ADARB1: variants seen among roughly 807,000 people sequenced by gnomAD.
ADARB1 encodes the protein adenosine deaminase RNA specific B1.
ADARB1 carries 10 observed loss-of-function variants against 52.4 expected under a neutral mutation model. That is an observed-to-expected ratio of 0.19 (90% confidence interval 0.12 to 0.32). The LOEUF is 0.32. Among genes scored for constraint, ADARB1 ranks in the 10% least tolerant of loss-of-function variants. ADARB1 has a pLI of 1.00. For missense variants in ADARB1, 643 were observed against 922.3 expected (o/e 0.70, Z 3.92); for synonymous variants, 349 against 371.1 (o/e 0.94, Z 0.68).
At chr21:45,182,923 C>G (rs1367507753) in intron 6 of ADARB1, among the ~76,000 whole-genome samples, 170 bp downstream of exon 6, 1 of 152,186 alleles carries the variant, frequency 6.6e-6, no homozygotes, top group East Asian at 1.9e-4. Flanking sequence ...ATGCTCAACA[C>G]ACATATGCAC....
chr21:45,133,829 CAGT>C (rs2089132385), intron 2 of ADARB1: 1 of 213,468 alleles, frequency 4.7e-6, no homozygotes, highest in South Asian at 4.2e-5. Context: ...GTGTGCCCGA[CAGT>C]GGTGTGTGCG....
intron 2 of ADARB1, among the ~76,000 whole-genome samples, chr21:45,150,942 C>G (rs1569074964): frequency 1.3e-5 from 2 of 152,344 alleles, no homozygotes; most frequent in East Asian, 1.9e-4. Context: ...TTTTTACTTA[C>G]AGGTCCTGAG....
rs955374047 is a variant in ADARB1, at chr21:45,144,215, A to G, written c.-48+15642A>G. On this transcript the variant is annotated intron_variant, in intron 2 of 10. Coordinates refer to ENST00000348831, the MANE Select transcript of ADARB1 (RefSeq NM_001112.4). ...CTCTCATAGAGATTTTAGAATTCTA[A>G]TAAACTCATATTTCCCCTTCTTATA... Among the ~76,000 whole-genome samples the G allele has an allele frequency of 4.6e-5, 7 of 152,348 alleles. No homozygotes were observed. The East Asian group carries it at 1.3e-3, about 29-fold the overall frequency.
chr21:45,146,125 G>T (rs899113453), intron 2 of ADARB1: 2 of 130,660 alleles, frequency 1.5e-5, no homozygotes, highest in Admixed American at 1.5e-4. Flanking sequence ...TATGGTTTCG[G>T]ACTTACCTGA....
intron 1 of ADARB1, among the ~76,000 whole-genome samples, chr21:45,097,742 T>G (rs1198402736): frequency 6.6e-6 from 1 of 152,058 alleles, no homozygotes; most frequent in East Asian, 1.9e-4. Flanking sequence ...GTATGCTGAC[T>G]TGGGGGCACT....
At chr21:45,162,131 G>A (rs1268857972) in intron 2 of ADARB1, among the ~76,000 whole-genome samples, 1 of 152,178 alleles carries the variant, frequency 6.6e-6, no homozygotes, top group African/African-American at 2.4e-5. Flanking sequence ...GGAGAGAAGA[G>A]CTGCAGCCCT....
At chr21:45,169,710 C>T (rs2091404522) in intron 2 of ADARB1, among the ~76,000 whole-genome samples, 1 of 152,230 alleles carries the variant, frequency 6.6e-6, no homozygotes, top group Non-Finnish European at 1.5e-5. Context: ...CCAATAAGAA[C>T]AGAGCTATTT....
chr21:45,122,473 C>T (rs995761502), intron 1 of ADARB1, among the ~76,000 whole-genome samples: 2 of 152,130 alleles, frequency 1.3e-5, no homozygotes, highest in African/African-American at 4.8e-5. Context: ...GGGGTATAAA[C>T]CCATTGTGGA....
intron 1 of ADARB1, among the ~76,000 whole-genome samples, chr21:45,078,382 A>AGG (rs2086027358): frequency 6.6e-6 from 1 of 152,216 alleles, no homozygotes; most frequent in South Asian, 2.1e-4. Context: ...GAGCCTGATG[A>AGG]GGAGAGTTCC....
intron 2 of ADARB1, among the ~76,000 whole-genome samples, chr21:45,156,323 C>A (rs1171776740): frequency 1.5e-5 from 2 of 136,682 alleles, no homozygotes; most frequent in Non-Finnish European, 3.2e-5. Flanking sequence ...ACCCACCCAT[C>A]ATCACCCATC....
intron 1 of ADARB1, among the ~76,000 whole-genome samples, chr21:45,108,356 G>A (rs2087353815): frequency 6.6e-6 from 1 of 152,170 alleles, no homozygotes. Context: ...TATTTCTCAT[G>A]TACGTGCTTA....
rs1000412390 is a variant in ADARB1, at chr21:45,208,075, C to T, written c.1747+3339C>T. On this transcript the variant is annotated intron_variant, in intron 9 of 10. Transcript: ENST00000348831. The surrounding 1 kb of genome is among the most constrained non-coding windows in gnomAD (Gnocchi z 5.6). The stretch of plus-strand genomic sequence containing the variant: ...GAAGAGGAAGTCTCTCGAGCTTTCT[C>T]AGACTTTCTCTCAAATGAGTTTCAC... Among the ~76,000 whole-genome samples, 2 of 152,206 alleles carry T rather than the reference C, an allele frequency of 1.3e-5. No homozygotes were observed. The highest frequency in any genetic ancestry group is 6.5e-5 in the Admixed American group (1 of 15,280).
chr21:45,188,258 C>T (rs537885471), intron 8 of ADARB1, among the ~76,000 whole-genome samples: 1 of 152,210 alleles, frequency 6.6e-6, no homozygotes, highest in Non-Finnish European at 1.5e-5. Context: ...AGGTGCCTAC[C>T]ACCATGCCCA....
intron 2 of ADARB1, among the ~76,000 whole-genome samples, chr21:45,139,921 G>A (rs2089619000): frequency 7.1e-6 from 1 of 141,644 alleles, no homozygotes; most frequent in South Asian, 2.3e-4. Context: ...AAAATGTACA[G>A]ACAATAAAAC....
In ADARB1 at chr21:45,180,364, G is replaced by A; in HGVS notation, c.998G>A (p.Gly333Asp). ...GACGCTGTCTCACGCCTGGTCCTGG[G>A]TAAGTTTGGTGACCTGACCGACAAC... Reference protein sequence around the residue: ...LADAVSRLVLGKFGDLTDNFS... With the variant: ...LADAVSRLVLDKFGDLTDNFS... The change falls in exon 5 of 11, where the codon GGT becomes GAT. Residue 333 changes from glycine to aspartate, a missense_variant. Gly to Asp is a moderately conservative substitution (Grantham distance 94). Around this residue, in one of 2 missense-constraint regions of ADARB1, gnomAD observed 380 missense variants for 446.5 expected, o/e 0.85. Coordinates refer to ENST00000348831, the MANE Select transcript of ADARB1 (RefSeq NM_001112.4). 1 of 1,614,174 alleles carries A rather than the reference G, an allele frequency of 6.2e-7. No individual in the cohort carries two copies. Among genetic ancestry groups the A allele is most frequent in the Non-Finnish European group, 8.5e-7 (1 of 1,180,028 alleles).
chr21:45,129,914 G>A (rs937003230), intron 2 of ADARB1, among the ~76,000 whole-genome samples: 11 of 152,300 alleles, frequency 7.2e-5, no homozygotes, highest in African/African-American at 2.6e-4. Context: ...GTTCCCTAGC[G>A]AGACCTTTAA....
At chr21:45,193,119 A>T (rs1270533039) in intron 8 of ADARB1, among the ~76,000 whole-genome samples, 5 of 152,252 alleles carry the variant, frequency 3.3e-5, no homozygotes, top group Non-Finnish European at 7.3e-5. Context: ...TTCCAAAACC[A>T]GATGAAGACA....
rs375955930 is a variant in ADARB1 at position 45,143,824 on chromosome 21, C to T, written c.-48+15251C>T. On this transcript the variant is annotated intron_variant, in intron 2 of 10. Transcript: ENST00000348831. ...CTCACCACCTCGCTGCAGTCTTTTC[C>T]GCAATGGCATCGCCACTACTGCCCT... 1.8e-4 allele frequency among the ~76,000 whole-genome samples: 28 copies of T among 152,348 alleles called. No homozygotes were observed. The East Asian group carries it at 4.4e-3, about 24-fold the overall frequency.
intron 2 of ADARB1, among the ~76,000 whole-genome samples, chr21:45,149,671 G>A (rs1321236805): frequency 2.6e-5 from 4 of 152,190 alleles, no homozygotes; most frequent in African/African-American, 9.7e-5. Flanking sequence ...ATGAGTAACA[G>A]GATCAAGACA....
Sources: allele counts gnomAD v4.1 joint callset (sites outside exome capture counted in the v4.1 genomes callset), GRCh38; gene constraint gnomAD v4.1.1; regional missense constraint gnomAD v4.1.1; non-coding constraint Gnocchi (gnomAD v3.1); transcripts MANE v1.5; gene names NCBI Gene and HGNC (gene_info 2026-07-23, HGNC 2026-07-21).